The following USO1 variants were observed in gnomAD, a reference collection of about 807,000 sequenced individuals.
USO1 encodes USO1 vesicle transport factor, also known as general vesicular transport factor p115.
In USO1, 57 loss-of-function variants were observed where a neutral mutation model predicts 124.5. That is an observed-to-expected ratio of 0.46 (90% confidence interval 0.37 to 0.57). The LOEUF (loss-of-function observed/expected upper bound fraction) is 0.57, where lower values mean the gene tolerates loss of function less well. Ranked by LOEUF, USO1 falls within the 20% of genes least tolerant of loss-of-function variation. The pLI is 0.00. For synonymous variants in USO1, 369 were observed against 362.8 expected (o/e 1.02, Z -0.19); for missense variants, 900 against 1,040.6 (o/e 0.86, Z 1.86).
Position 75,805,283 on chromosome 4 carries a change from G to T in USO1, c.2269G>T (p.Asp757Tyr). ...TTTACAAAGCCAGCTGACTGAAAAG[G>T]ACTCTATGATTGAAAATATGGTAAA... ...ELLQSQLTEK[D>Y]SMIENMKSSQ... is the part of the protein sequence containing the mutation. Residue 757 changes from aspartate (D) to tyrosine (Y), a missense_variant, in exon 19 of 24, where the codon GAC (aspartate) becomes TAC (tyrosine). This residue lies in a region of USO1 where 362 missense variants were observed against 359.0 expected (regional missense o/e 1.01). Transcript: ENST00000514213. 6.2e-7 allele frequency: 1 copy of T among 1,605,924 alleles called. No homozygotes were observed. Among genetic ancestry groups the T allele is most frequent in the Non-Finnish European group, 8.5e-7 (1 of 1,177,106 alleles).
At chr4:75,794,090 A>G (rs1272085877) in intron 13 of USO1, among the ~76,000 whole-genome samples, 189 bp downstream of exon 13, 1 of 152,200 alleles carries the variant, frequency 6.6e-6, no homozygotes, top group Non-Finnish European at 1.5e-5. Flanking sequence ...GTTTTGCTAA[A>G]TAGTTATAAG....
intron 1 of USO1, among the ~76,000 whole-genome samples, chr4:75,751,158 A>G (rs1721287701): frequency 6.6e-6 from 1 of 151,484 alleles, no homozygotes; most frequent in Admixed American, 6.6e-5. Flanking sequence ...TTGTTTTAAA[A>G]TTCAGTTGAA....
chr4:75,729,803 T>A (rs116041801), intron 1 of USO1: 2 of 201,996 alleles, frequency 9.9e-6, no homozygotes, highest in Non-Finnish European at 2.1e-5. Context: ...AACATTGTTA[T>A]GGGGTCTCTT....
Position 75,810,461 on chromosome 4 carries a change from C to T in USO1, c.2505C>T (p.Thr835=), listed in dbSNP as rs563821441. The T allele has an allele frequency of 2.3e-5, 37 of 1,611,710 alleles. No individual in the cohort carries two copies. Among genetic ancestry groups the T allele is most frequent in the South Asian group, 3.3e-5 (3 of 90,460 alleles). The change falls in exon 22 of 24, where the codon ACC becomes ACT. Residue 835 remains threonine, a synonymous_variant. Transcript: ENST00000514213. ...FAKSVEVQGE[T]ETIIATKTTD... ...AATCAGTTGAGGTACAAGGAGAGAC[C>T]GAGACTATAATAGCCACCAAAACTA...
chr4:75,813,302 A>T lies in USO1; in HGVS notation c.*7A>T. 6.3e-7 allele frequency: 1 copy of T among 1,591,078 alleles called. No homozygotes were observed. Among genetic ancestry groups the T allele is most frequent in the Non-Finnish European group, 8.5e-7 (1 of 1,172,732 alleles). On this transcript the variant is annotated 3_prime_UTR_variant, in exon 24 of 24. Transcript: ENST00000514213. Reference sequence around the variant, plus strand: ...GGATCTAGATCATATCTAGTTTTCAAATCTCTAGGAACAATAGAGATTATA... The same window carrying T: ...GGATCTAGATCATATCTAGTTTTCATATCTCTAGGAACAATAGAGATTATA...
intron 1 of USO1, among the ~76,000 whole-genome samples, chr4:75,740,885 TAG>T (rs1278485367): frequency 6.6e-6 from 1 of 152,236 alleles, no homozygotes; most frequent in African/African-American, 2.4e-5. Context: ...AAGTAATCTC[TAG>T]TAAAGTTTGG....
chr4:75,774,951 C>T (rs1024626907), intron 8 of USO1, among the ~76,000 whole-genome samples, 155 bp downstream of exon 8: 2 of 152,040 alleles, frequency 1.3e-5, no homozygotes, highest in Non-Finnish European at 2.9e-5. Flanking sequence ...TCTCTTTATC[C>T]TGTTTCATAT....
chr4:75,807,348 C>G (rs1723025952), intron 20 of USO1, among the ~76,000 whole-genome samples: 1 of 151,246 alleles, frequency 6.6e-6, no homozygotes, highest in African/African-American at 2.4e-5. Context: ...TCCTTTCTTT[C>G]TTATTATAAA....
At chr4:75,745,038 A>G (rs780116115) in intron 1 of USO1, 56 of 359,560 alleles carry the variant, frequency 1.6e-4, no homozygotes, top group Non-Finnish European at 2.9e-4. Context: ...TTATCCCTTC[A>G]AATCTTTGCC....
chr4:75,782,070 G>C (rs1183528813), intron 8 of USO1, among the ~76,000 whole-genome samples: 4 of 152,178 alleles, frequency 2.6e-5, no homozygotes, highest in African/African-American at 9.7e-5. Context: ...TTGAGCACCT[G>C]CAGAGCTGTA....
intron 9 of USO1, 126 bp downstream of exon 9, chr4:75,782,984 T>C: frequency 3.1e-6 from 4 of 1,284,072 alleles, no homozygotes; most frequent in Non-Finnish European, 4.1e-6. Flanking sequence ...AAAAAAACTG[T>C]AATATGGAAA....
intron 1 of USO1, among the ~76,000 whole-genome samples, chr4:75,727,035 A>T (rs1398352919): frequency 6.6e-6 from 1 of 152,366 alleles, no homozygotes; most frequent in East Asian, 1.9e-4. Context: ...TAGTAGATGT[A>T]TAATGAGAGG....
At chr4:75,806,691 G>A (rs1723007053) in intron 20 of USO1, 119 bp downstream of exon 20, 1 of 1,315,508 alleles carries the variant, frequency 7.6e-7, no homozygotes. Flanking sequence ...TTTAAGTTAA[G>A]ACAGCCATTT....
At chr4:75,771,046 G>A in intron 6 of USO1, 36 bp from the exon 7 acceptor site, 13 of 1,598,688 alleles carry the variant, frequency 8.1e-6, no homozygotes, top group Non-Finnish European at 1.1e-5. Context: ...TGTATTTTTG[G>A]TCTGCCAGCA....
chr4:75,799,836 C>G (rs1722792985), intron 14 of USO1, 104 bp downstream of exon 14: 15 of 1,335,806 alleles, frequency 1.1e-5, no homozygotes, highest in Non-Finnish European at 1.5e-5. Flanking sequence ...GAATTCTCCA[C>G]TATCTTATCT....
Position 75,790,632 on chromosome 4 carries a change from A to G in USO1, c.1086-11A>G, listed in dbSNP as rs372399734. ...TGTTTCATTTTGTTCTTTTCTTTTT[A>G]AATGCAACAGACCGGCAATTGTAGT... is the stretch of plus-strand genomic sequence containing the variant. On this transcript the variant is annotated splice_polypyrimidine_tract_variant and intron_variant, in intron 11 of 23. Coordinates refer to ENST00000514213, the MANE Select transcript of USO1 (RefSeq NM_003715.4). 100 of 1,590,684 alleles carry G rather than the reference A, an allele frequency of 6.3e-5. 1 individual carries two copies. The Admixed American group carries it at 6.4e-4, about 10-fold the overall frequency.
intron 1 of USO1, among the ~76,000 whole-genome samples, chr4:75,747,963 A>G (rs1721177861): frequency 7.3e-6 from 1 of 136,868 alleles, no homozygotes; most frequent in Non-Finnish European, 1.5e-5. Flanking sequence ...GCTAGAGTGC[A>G]ATGGTGCGAT....
intron 19 of USO1, among the ~76,000 whole-genome samples, chr4:75,805,825 C>T (rs1245179570): frequency 6.6e-6 from 1 of 151,846 alleles, no homozygotes; most frequent in Non-Finnish European, 1.5e-5. Context: ...AAACTTGTTT[C>T]CTGATCTATA....
intron 3 of USO1, among the ~76,000 whole-genome samples, chr4:75,756,665 C>T (rs1721454417): frequency 4.0e-5 from 6 of 151,718 alleles, no homozygotes; most frequent in Admixed American, 3.9e-4. Context: ...CACCACCACG[C>T]CCGGCTAATT....
Sources: gnomAD v4.1 joint callset for allele counts (sites outside exome capture counted in the v4.1 genomes callset) on GRCh38, gnomAD v4.1.1 for gene constraint, gnomAD v4.1.1 regional missense constraint, MANE v1.5 for transcripts, NCBI Gene and HGNC (gene_info 2026-07-23, HGNC 2026-07-21) for gene names.